The following PCDH7 variants were observed in gnomAD, a reference collection of about 807,000 sequenced individuals.
PCDH7 encodes the protein protocadherin 7.
Under a neutral mutation model 58.9 loss-of-function variants are expected in PCDH7, and 17 were observed. The observed-to-expected ratio is 0.29, with a 90% CI of 0.20 to 0.43. The LOEUF (loss-of-function observed/expected upper bound fraction) is 0.43, where lower values mean the gene tolerates loss of function less well. Among genes scored for constraint, PCDH7 ranks in the 20% least tolerant of loss-of-function variants. The pLI is 1.00. For synonymous variants in PCDH7, 664 were observed against 616.4 expected (o/e 1.08, Z -1.14); for missense variants, 1,274 against 1,441.0 (o/e 0.88, Z 1.88).
chr4:30,894,480 A>T (rs1285383815), intron 1 of PCDH7, among the ~76,000 whole-genome samples: 13 of 55,250 alleles, frequency 2.4e-4, no homozygotes, highest in African/African-American at 7.8e-4. Flanking sequence ...AAAAAAAAAA[A>T]AAAAAAAAAA....
chr4:30,814,567 A>G (rs1205303255), intron 1 of PCDH7, among the ~76,000 whole-genome samples: 1 of 151,488 alleles, frequency 6.6e-6, no homozygotes. Context: ...TTTTTTACCT[A>G]CTTGAATTTT....
intron 3 of PCDH7, among the ~76,000 whole-genome samples, chr4:31,122,463 C>T (rs1198336182): frequency 1.2e-4 from 19 of 152,126 alleles, no homozygotes; most frequent in Admixed American, 1.2e-3. Flanking sequence ...TGCACTTAAG[C>T]TGTGCATTGT....
intron 3 of PCDH7, among the ~76,000 whole-genome samples, chr4:31,009,491 C>T (rs1417445520): frequency 2.6e-5 from 4 of 151,984 alleles, no homozygotes; most frequent in African/African-American, 9.7e-5. Flanking sequence ...GGCCAAGAGT[C>T]ATAGCAGAGA....
chr4:30,919,068 C>A (rs75081457), intron 1 of PCDH7, among the ~76,000 whole-genome samples: 1 of 152,052 alleles, frequency 6.6e-6, no homozygotes, highest in African/African-American at 2.4e-5. Context: ...TTTCTAGCAA[C>A]ATTAATTTTT....
At chr4:30,871,319 T>C (rs1226289667) in intron 1 of PCDH7, among the ~76,000 whole-genome samples, 2 of 152,110 alleles carry the variant, frequency 1.3e-5, no homozygotes, top group Non-Finnish European at 2.9e-5. Context: ...TCCATGTATC[T>C]GTTCAGTGTT....
Position 31,107,613 on chromosome 4 carries a change from G to T in PCDH7, c.*8-34860G>T, listed in dbSNP as rs1343045423. On this transcript the variant is annotated intron_variant, in intron 3 of 3. Coordinates refer to the PCDH7 transcript ENST00000509759. ...AGGTACCACTGAGTTAGTCATCTGG[G>T]ATGAGAGTTTCTAATCTTTTTCTTT... 5.9e-5 allele frequency among the ~76,000 whole-genome samples: 9 copies of T among 152,154 alleles called. 1 individual carries two copies. Among genetic ancestry groups the T allele is most frequent in the Non-Finnish European group, 8.8e-5 (6 of 68,024 alleles).
chr4:30,726,859 A>G (rs1428908279), intron 1 of PCDH7, among the ~76,000 whole-genome samples: 1 of 151,998 alleles, frequency 6.6e-6, no homozygotes, highest in Non-Finnish European at 1.5e-5. Flanking sequence ...CAAGGGATCC[A>G]TTTACAAAGT....
At position 31,142,323 on chromosome 4, in the gene PCDH7, T is replaced by C. The variant is rs1342000147; in HGVS notation, c.*8-150T>C. 4.5e-6 allele frequency: 3 copies of C among 666,064 alleles called. No individual in the cohort carries two copies. In the East Asian group the frequency reaches 1.7e-4, roughly 38 times the overall value. 41.3% of individuals were successfully genotyped at this position (666,064 alleles called of 1,614,324 possible). ...CTTTGATGCACATGGGATTAAAAAC[T>C]GTCCTATGGAATGATGAGCTAGAGG... On this transcript the variant is annotated intron_variant, in intron 3 of 3. Transcript: ENST00000509759.
At chr4:31,073,974 A>G (rs1758767379) in intron 3 of PCDH7, among the ~76,000 whole-genome samples, 1 of 151,322 alleles carries the variant, frequency 6.6e-6, no homozygotes, top group African/African-American at 2.4e-5. Flanking sequence ...CTGCTTTTCT[A>G]GCTATTTTTT....
chr4:30,783,962 G>A (rs1021053789), intron 1 of PCDH7, among the ~76,000 whole-genome samples: 7 of 152,028 alleles, frequency 4.6e-5, no homozygotes, highest in Non-Finnish European at 1.0e-4. Flanking sequence ...GTGTGTGTAT[G>A]TGTGAGAGAC....
chr4:31,032,237 A>G (rs1241444224), intron 3 of PCDH7, among the ~76,000 whole-genome samples: 1 of 152,224 alleles, frequency 6.6e-6, no homozygotes, highest in African/African-American at 2.4e-5. Context: ...TCATACATCT[A>G]GAGAATCCTC....
intron 2 of PCDH7, among the ~76,000 whole-genome samples, chr4:30,946,097 T>G (rs1169565573): frequency 6.6e-6 from 1 of 151,880 alleles, no homozygotes; most frequent in Non-Finnish European, 1.5e-5. Context: ...AGTTCGAGAG[T>G]CAGACCCAGA....
intron 1 of PCDH7, among the ~76,000 whole-genome samples, chr4:30,871,266 G>A (rs933371683): frequency 6.6e-6 from 1 of 152,004 alleles, no homozygotes; most frequent in African/African-American, 2.4e-5. Context: ...CTCTTGCATA[G>A]AGACCAGTTA....
chr4:30,794,243 C>T (rs1283427810), intron 1 of PCDH7, among the ~76,000 whole-genome samples: 3 of 152,202 alleles, frequency 2.0e-5, no homozygotes, highest in Non-Finnish European at 2.9e-5. Context: ...AGGTGTTTTT[C>T]TCTTCATTTT....
intron 2 of PCDH7, among the ~76,000 whole-genome samples, chr4:30,948,371 G>GT (rs1320259610): frequency 2.6e-5 from 4 of 150,984 alleles, no homozygotes; most frequent in African/African-American, 9.7e-5. Context: ...CTCCTTTTTG[G>GT]TTTTTGGCTT....
intron 3 of PCDH7, among the ~76,000 whole-genome samples, chr4:30,961,220 T>C (rs1748388570): frequency 6.6e-6 from 1 of 151,998 alleles, no homozygotes; most frequent in Non-Finnish European, 1.5e-5. Context: ...TTACAAAAAT[T>C]TATTTAAAGT....
intron 3 of PCDH7, among the ~76,000 whole-genome samples, chr4:31,084,866 C>G (rs1712169576): frequency 6.6e-6 from 1 of 151,878 alleles, no homozygotes; most frequent in East Asian, 2.0e-4. Context: ...AGCAAGAACT[C>G]ACTCATCACC....
At chr4:31,111,354 C>T (rs960359782) in intron 3 of PCDH7, among the ~76,000 whole-genome samples, 4 of 148,908 alleles carry the variant, frequency 2.7e-5, no homozygotes, top group African/African-American at 9.9e-5. Flanking sequence ...GTCGCTCGGG[C>T]TAGAGTGCAA....
chr4:30,886,143 G>A (rs1244916758), intron 1 of PCDH7, among the ~76,000 whole-genome samples: 1 of 150,894 alleles, frequency 6.6e-6, no homozygotes, highest in African/African-American at 2.5e-5. Context: ...AAACTAAAGA[G>A]CTTCTGCACA....
Sources: allele counts gnomAD v4.1 joint callset (sites outside exome capture counted in the v4.1 genomes callset), GRCh38; gene constraint gnomAD v4.1.1; transcripts MANE v1.5; gene names NCBI Gene and HGNC (gene_info 2026-07-23, HGNC 2026-07-21).